CDH23: variants seen among roughly 807,000 people sequenced by gnomAD.
CDH23 encodes cadherin related 23.
In CDH23, 189 loss-of-function variants were observed where a neutral mutation model predicts 317.1. The observed-to-expected ratio is 0.60, with a 90% CI of 0.53 to 0.67. The LOEUF (loss-of-function observed/expected upper bound fraction) is 0.67, where lower values mean the gene tolerates loss of function less well. Among genes scored for constraint, CDH23 ranks in the 30% least tolerant of loss-of-function variants. The pLI is 0.00. For missense variants in CDH23, 4,401 were observed against 4,592.4 expected (o/e 0.96, Z 1.20); for synonymous variants, 1,839 against 1,876.8 (o/e 0.98, Z 0.52).
At chr10:71,780,714 T>C (rs1038087005) in intron 41 of CDH23, among the ~76,000 whole-genome samples, 2 of 152,174 alleles carry the variant, frequency 1.3e-5, no homozygotes, top group Admixed American at 1.3e-4. Context: ...ATTATTTGAC[T>C]TAGGTTTCAG....
chr10:71,683,280 G>C (rs552254640), intron 18 of CDH23, among the ~76,000 whole-genome samples: 2 of 152,248 alleles, frequency 1.3e-5, no homozygotes, highest in Non-Finnish European at 2.9e-5. Context: ...CAGCGAACGC[G>C]TGTTGATCGA....
intron 9 of CDH23, among the ~76,000 whole-genome samples, chr10:71,591,881 C>T (rs907851235): frequency 1.3e-5 from 2 of 152,070 alleles, no homozygotes; most frequent in East Asian, 1.9e-4. Flanking sequence ...AGCACCCACA[C>T]GGCAATGTTT....
rs948963432 is a variant in CDH23, at chr10:71,679,439, G to A, written c.1805G>A (p.Ser602Asn). 2.5e-6 allele frequency: 4 copies of A among 1,613,578 alleles called. No homozygotes were observed. Among genetic ancestry groups the A allele is most frequent in the Non-Finnish European group, 3.4e-6 (4 of 1,179,772 alleles). ...PNNQITYSIV[S>N]ASAFGSYFDI... is the part of the protein sequence containing the mutation. The stretch of plus-strand genomic sequence containing the variant: ...AACCAGATCACCTACAGCATTGTCA[G>A]TGCATCTGCCTTTGGCAGCTACTTC... Residue 602 changes from serine (S) to asparagine (N), a missense_variant, in exon 17 of 70, where the codon AGT becomes AAT. By Grantham distance (46) the Ser-to-Asn change is conservative. This residue lies in a region of CDH23 where 3,068 missense variants were observed against 3,203.3 expected (regional missense o/e 0.96). Transcript: ENST00000224721.
chr10:71,579,856 C>T (rs571031016), intron 9 of CDH23, among the ~76,000 whole-genome samples: 9 of 152,120 alleles, frequency 5.9e-5, no homozygotes, highest in Non-Finnish European at 1.3e-4. Context: ...GAGGGAACAC[C>T]GGTGAGCCCT....
At chr10:71,800,807 C>A in intron 53 of CDH23, 52 bp downstream of exon 53, 1 of 1,597,726 alleles carries the variant, frequency 6.3e-7, no homozygotes, top group African/African-American at 1.3e-5. Flanking sequence ...GTTGTGGAGG[C>A]AACAAGCAAA....
chr10:71,721,546 G>A (rs1866555301), intron 28 of CDH23, among the ~76,000 whole-genome samples: 1 of 152,178 alleles, frequency 6.6e-6, no homozygotes, highest in Non-Finnish European at 1.5e-5. Context: ...GTGCCATAGA[G>A]AGTAAGTGAC....
In CDH23 at chr10:71,655,599, C is replaced by T. The variant is rs1203390906; in HGVS notation, c.1449+8982C>T. On this transcript the variant is annotated intron_variant, in intron 14 of 69. Coordinates refer to ENST00000224721, the MANE Select transcript of CDH23 (RefSeq NM_022124.6). ...CTGTTCCCACCCCTGTATGAGGGCT[C>T]GCTGGCAAGTGTTCCTTCCCCACGC... is the stretch of plus-strand genomic sequence containing the variant. Among the ~76,000 whole-genome samples the T allele has an allele frequency of 3.3e-5, 5 of 152,164 alleles. No homozygotes were observed. In the South Asian group the frequency reaches 6.2e-4, roughly 19 times the overall value.
chr10:71,671,301 G>A lies in CDH23; in HGVS notation c.1450-3811G>A, dbSNP rs143033354. ...ATTTTTTAGGTACAATATGAAAATG[G>A]CCAGCTGGGCCATCCCCTTCCCCAA... On this transcript the variant is annotated intron_variant, in intron 14 of 69. Transcript: ENST00000224721. 4.7e-3 allele frequency among the ~76,000 whole-genome samples: 719 copies of A among 152,196 alleles called. 6 individuals carry two copies. The highest frequency in any genetic ancestry group is 7.2e-3 in the Admixed American group (110 of 15,284).
chr10:71,588,678 C>T (rs1439630147), intron 9 of CDH23, among the ~76,000 whole-genome samples: 1 of 152,158 alleles, frequency 6.6e-6, no homozygotes, highest in Non-Finnish European at 1.5e-5. Flanking sequence ...GACTTCAGTT[C>T]TCTATAAAAT....
chr10:71,793,171 C>A lies in CDH23; in HGVS notation c.6254-11C>A. 1 of 1,602,010 alleles carries A rather than the reference C, an allele frequency of 6.2e-7. No individual in the cohort carries two copies. The highest frequency in any genetic ancestry group is 8.5e-7 in the Non-Finnish European group (1 of 1,172,160). On this transcript the variant is annotated splice_polypyrimidine_tract_variant and intron_variant, in intron 47 of 69. Coordinates refer to ENST00000224721, the MANE Select transcript of CDH23 (RefSeq NM_022124.6). ...ACTGTGCGCAGCTACTCCCTTTTCCCTCTCCAACAGGATTCTCAGTCCTTC... is the reference window on the plus strand; with the variant it reads ...ACTGTGCGCAGCTACTCCCTTTTCCATCTCCAACAGGATTCTCAGTCCTTC...
rs1278905858 is a variant in CDH23 at position 71,558,196 on chromosome 10, C to T, written c.430-8546C>T. Among the ~76,000 whole-genome samples the T allele has an allele frequency of 3.9e-5, 6 of 152,072 alleles. No individual in the cohort carries two copies. The East Asian group carries it at 5.8e-4, about 15-fold the overall frequency. ...GTATTTTTAGTAGAGACAGGGGTTTCACCATGTTGACCAGGCTGGTCTCGA... is the reference window on the plus strand; with the variant it reads ...GTATTTTTAGTAGAGACAGGGGTTTTACCATGTTGACCAGGCTGGTCTCGA... On this transcript the variant is annotated intron_variant, in intron 6 of 69. Transcript: ENST00000224721.
chr10:71,479,999 G>A (rs1204248651), intron 3 of CDH23, among the ~76,000 whole-genome samples: 2 of 152,198 alleles, frequency 1.3e-5, no homozygotes, highest in Admixed American at 1.3e-4. Context: ...GTAATCCAGC[G>A]ATCCACCTGC....
chr10:71,662,811 C>A (rs923626481), intron 14 of CDH23, among the ~76,000 whole-genome samples: 4 of 152,168 alleles, frequency 2.6e-5, no homozygotes. Context: ...ACCAGCTGGG[C>A]GGCTTAAAAC....
chr10:71,482,063 G>A (rs779520584), intron 3 of CDH23, among the ~76,000 whole-genome samples: 10 of 152,150 alleles, frequency 6.6e-5, no homozygotes, highest in Non-Finnish European at 1.2e-4. Flanking sequence ...TTCGCAATGA[G>A]GGCCTGGCCA....
chr10:71,748,974 A>G (rs1267263854), intron 38 of CDH23: 1 of 152,692 alleles, frequency 6.5e-6, no homozygotes, highest in Non-Finnish European at 1.5e-5. Context: ...AAGGGTCCAG[A>G]GAAGAGAGGG....
chr10:71,758,348 C>A (rs1188214213), intron 38 of CDH23, among the ~76,000 whole-genome samples: 2 of 152,180 alleles, frequency 1.3e-5, no homozygotes, highest in Admixed American at 1.3e-4. Flanking sequence ...CTAGCAGGGG[C>A]TGGTCCCCAC....
chr10:71,643,983 G>A lies in CDH23; in HGVS notation c.1140+117G>A, dbSNP rs144031365. 4.4e-4 allele frequency: 310 copies of A among 700,456 alleles called. No individual in the cohort carries two copies. In the African/African-American group the frequency reaches 4.9e-3, roughly 11 times the overall value. The allele number at this position is 700,456 out of a possible 1,614,324, so 43.4% of individuals were successfully genotyped here. ...CCTCCCCCACCCTCTCAGGCCCCCAGCTCCTGTGGTTGAGGGACCAAAGGT... is the reference window on the plus strand; with the variant it reads ...CCTCCCCCACCCTCTCAGGCCCCCAACTCCTGTGGTTGAGGGACCAAAGGT... On this transcript the variant is annotated intron_variant, in intron 12 of 69. Transcript: ENST00000224721.
chr10:71,767,935 G>A (rs1435041994), intron 38 of CDH23, among the ~76,000 whole-genome samples: 1 of 152,156 alleles, frequency 6.6e-6, no homozygotes, highest in Non-Finnish European at 1.5e-5. Context: ...GGCCTAGGCA[G>A]CTGGCCAGAG....
At chr10:71,583,526 C>T (rs1475078223) in intron 9 of CDH23, among the ~76,000 whole-genome samples, 2 of 152,122 alleles carry the variant, frequency 1.3e-5, no homozygotes, top group African/African-American at 4.8e-5. Flanking sequence ...TGCCCAGCCA[C>T]AGGCCACATT....
Sources: allele counts gnomAD v4.1 joint callset (sites outside exome capture counted in the v4.1 genomes callset), GRCh38; gene constraint gnomAD v4.1.1; regional missense constraint gnomAD v4.1.1; transcripts MANE v1.5; gene names NCBI Gene and HGNC (gene_info 2026-07-23, HGNC 2026-07-21).